Variants in AKAP9 observed in about 807,000 individuals in gnomAD.
AKAP9 encodes A-kinase anchor protein 9.
In AKAP9, 311 loss-of-function variants were observed where a neutral mutation model predicts 488.5. The ratio of observed to expected loss-of-function variants is 0.64; its 90% CI spans 0.58 to 0.70. The LOEUF is 0.70. Among genes scored for constraint, AKAP9 ranks in the 30% least tolerant of loss-of-function variants. The probability of loss-of-function intolerance (pLI) is 0.00; values close to 1 mark genes in which losing one functional copy is unlikely to be tolerated. For missense variants in AKAP9, 4,215 were observed against 4,374.5 expected, an observed-to-expected ratio of 0.96 and a Z score of 1.03; for synonymous variants, 1,462 against 1,483.5, an observed-to-expected ratio of 0.99 and a Z score of 0.33.
chr7:92,090,238 GT>G (rs1379811794), intron 38 of AKAP9: 3 of 152,056 alleles, frequency 2.0e-5, no homozygotes, highest in Non-Finnish European at 4.4e-5. Flanking sequence ...CATTTTTCAA[GT>G]TACTGCATTC....
At chr7:92,010,503 T>G (rs922951901) in intron 8 of AKAP9, among the ~76,000 whole-genome samples, 4 of 152,224 alleles carry the variant, frequency 2.6e-5, no homozygotes, top group African/African-American at 9.6e-5. Flanking sequence ...TAGCCACTCT[T>G]TCACTGAATA....
chr7:92,004,435 C>T (rs891581547), intron 8 of AKAP9, among the ~76,000 whole-genome samples: 11 of 152,214 alleles, frequency 7.2e-5, no homozygotes, highest in Non-Finnish European at 2.9e-5. Flanking sequence ...AATATTGATT[C>T]TTCCTATCCA....
Position 92,001,424 on chromosome 7 carries a change from C to T in AKAP9, c.1507C>T (p.Gln503Ter). ...AATAAATGAACTGAATATAAAATTG[C>T]AAGATACTAACTCTCAAAAGGAAAA... The part of the protein sequence containing the change: ...VAINELNIKL[Q>*]DTNSQKEKLK... The change falls in exon 8 of 50, where the codon CAA becomes TAA. Residue 503 changes from glutamine to a stop codon, truncating the protein, a stop_gained. Coordinates refer to ENST00000356239, the MANE Select transcript of AKAP9 (RefSeq NM_005751.5). LOFTEE classifies it high-confidence loss of function. 1 of 1,613,604 alleles carries T rather than the reference C, an allele frequency of 6.2e-7. No individual in the cohort carries two copies. Among genetic ancestry groups the T allele is most frequent in the East Asian group, 2.2e-5 (1 of 44,872 alleles).
At chr7:91,963,525 C>CACACAT (rs1487785432) in intron 1 of AKAP9, among the ~76,000 whole-genome samples, 1 of 144,242 alleles carries the variant, frequency 6.9e-6, no homozygotes, top group Non-Finnish European at 1.5e-5. Flanking sequence ...CACACACACA[C>CACACAT]ACATATTTTT....
chr7:92,069,547 G>T (rs1811343084), intron 26 of AKAP9, among the ~76,000 whole-genome samples: 1 of 152,278 alleles, frequency 6.6e-6, no homozygotes. Context: ...TTGAAATGAA[G>T]ATATGTTTTA....
chr7:92,052,759 G>A lies in AKAP9; in HGVS notation c.5402G>A (p.Ser1801Asn), dbSNP rs973692081. The A allele has an allele frequency of 1.9e-6, 3 of 1,613,412 alleles. No homozygotes were observed. The highest frequency in any genetic ancestry group is 1.7e-6 in the Non-Finnish European group (2 of 1,179,526). ...TDESIPSYSGSDMPRNDINMW... is the reference protein window; with the variant it reads ...TDESIPSYSGNDMPRNDINMW... Reference sequence around the variant, plus strand: ...GAATCCATTCCCTCTTATTCTGGAAGTGATATGCCAAGAAATGACATTAAC... The same window carrying A: ...GAATCCATTCCCTCTTATTCTGGAAATGATATGCCAAGAAATGACATTAAC... Residue 1801 changes from serine (S) to asparagine (N), a missense_variant, in exon 22 of 50, where the codon AGT (serine) becomes AAT (asparagine). Physicochemically the swap from Ser to Asn is conservative, Grantham distance 46. Around this residue, in one of 5 missense-constraint regions of AKAP9, gnomAD observed 2,361 missense variants for 2,430.0 expected, o/e 0.97. Coordinates refer to ENST00000356239, the MANE Select transcript of AKAP9 (RefSeq NM_005751.5).
chr7:92,087,837 C>T (rs1049831568), intron 37 of AKAP9, among the ~76,000 whole-genome samples: 2 of 149,712 alleles, frequency 1.3e-5, no homozygotes, highest in African/African-American at 4.9e-5. Context: ...AAATTATAAG[C>T]CAAAGAGTGA....
In AKAP9 at chr7:92,083,457, A is replaced by C. The variant is rs1813951362; in HGVS notation, c.8448A>C (p.Glu2816Asp). The change falls in exon 33 of 50, where the codon GAA (glutamate) becomes GAC (aspartate). Residue 2816 changes from glutamate to aspartate, a missense_variant. By Grantham distance (45) the Glu-to-Asp change is conservative. Around this residue, in one of 5 missense-constraint regions of AKAP9, gnomAD observed 1,476 missense variants for 1,477.4 expected, o/e 1.00. Transcript: ENST00000356239. ...INLQSECSSEEVTEIISQFTE... is the reference protein window; with the variant it reads ...INLQSECSSEDVTEIISQFTE... ...TACAGAGTGAATGTTCCTCAGAAGA[A>C]GTTACTGAAATAATCAGTCAGTTTA... 6.2e-7 allele frequency: 1 copy of C among 1,613,994 alleles called. No homozygotes were observed. The highest frequency in any genetic ancestry group is 8.5e-7 in the Non-Finnish European group (1 of 1,179,940).
At chr7:92,102,243 T>TA (rs200511383) in intron 45 of AKAP9, among the ~76,000 whole-genome samples, 11 of 146,776 alleles carry the variant, frequency 7.5e-5, no homozygotes, top group Middle Eastern at 3.5e-3. Context: ...TCTGTACAAT[T>TA]AAAAAAAAAA....
chr7:92,009,396 T>A (rs764202589), intron 8 of AKAP9, among the ~76,000 whole-genome samples: 27 of 152,192 alleles, frequency 1.8e-4, no homozygotes, highest in Non-Finnish European at 2.6e-4. Context: ...TGGAAGAATA[T>A]AAACTACCAG....
At chr7:91,966,154 G>A (rs902996240) in intron 1 of AKAP9, among the ~76,000 whole-genome samples, 1 of 152,056 alleles carries the variant, frequency 6.6e-6, no homozygotes, top group African/African-American at 2.4e-5. Flanking sequence ...GGCCTCCCAT[G>A]GTGCTGTGCT....
chr7:92,106,691 G>A (rs566868474), intron 47 of AKAP9, among the ~76,000 whole-genome samples: 1 of 152,288 alleles, frequency 6.6e-6, no homozygotes, highest in South Asian at 2.1e-4. Context: ...GATGAGGTCC[G>A]AATCTGGGGA....
At position 92,002,073 on chromosome 7, in the gene AKAP9, TTCAAA is replaced by T. The variant is rs1385042771; in HGVS notation, c.2161_2165del (p.Ile721Ter). 2.5e-6 allele frequency: 4 copies of T among 1,597,448 alleles called. No individual in the cohort carries two copies. The highest frequency in any genetic ancestry group is 3.4e-6 in the Non-Finnish European group (4 of 1,175,596). ...AATTCAAAGTCAGAAGAAATGACTC[TTCAAA>T]TCAATGAACTTCAAAAAGAAATTGA... is the stretch of plus-strand genomic sequence containing the variant. On this transcript the variant is annotated frameshift_variant, in exon 8 of 50. Transcript: ENST00000356239. LOFTEE classifies it high-confidence loss of function.
rs763354189 is a variant in AKAP9 at position 92,040,588 on chromosome 7, G to C, written c.4693-86G>C. 18 of 929,380 alleles carry C rather than the reference G, an allele frequency of 1.9e-5. No homozygotes were observed. In the Admixed American group the frequency reaches 4.1e-4, roughly 21 times the overall value. The allele number at this position is 929,380 out of a possible 1,614,324, so 57.6% of individuals were successfully genotyped here. A position where few individuals can be genotyped will look rare whatever the true frequency, so the allele number is the denominator to read the frequency against. Reference sequence around the variant, plus strand: ...TGGGATAAGGAATAGAATTGCTTTCGTATTTGTTTACAATATTAATGCTGA... The same window carrying C: ...TGGGATAAGGAATAGAATTGCTTTCCTATTTGTTTACAATATTAATGCTGA... On this transcript the variant is annotated intron_variant, in intron 17 of 49. Coordinates refer to ENST00000356239, the MANE Select transcript of AKAP9 (RefSeq NM_005751.5).
chr7:92,052,154 C>T lies in AKAP9; in HGVS notation c.5369-572C>T, dbSNP rs371218710. 2.6e-5 allele frequency among the ~76,000 whole-genome samples: 4 copies of T among 152,218 alleles called. 1 individual carries two copies. Reference sequence around the variant, plus strand: ...TGTAGCCAAAGCAGATGATATTGCCCAGTGTTGGATCAAAAGTTAGTCATC... The same window carrying T: ...TGTAGCCAAAGCAGATGATATTGCCTAGTGTTGGATCAAAAGTTAGTCATC... On this transcript the variant is annotated intron_variant, in intron 21 of 49. Transcript: ENST00000356239.
At chr7:91,999,225 A>T (rs937959713) in intron 7 of AKAP9, among the ~76,000 whole-genome samples, 3 of 152,084 alleles carry the variant, frequency 2.0e-5, no homozygotes, top group Non-Finnish European at 2.9e-5. Context: ...TAACGAGGCT[A>T]ATTTTTTTTG....
chr7:92,070,380 G>A (rs926365669), intron 27 of AKAP9, among the ~76,000 whole-genome samples, 174 bp downstream of exon 27: 1 of 150,408 alleles, frequency 6.6e-6, no homozygotes, highest in Non-Finnish European at 1.5e-5. Context: ...CCTGAGAAGG[G>A]AAGAGTTTTT....
At chr7:92,088,456 G>A (rs766288084) in intron 37 of AKAP9, among the ~76,000 whole-genome samples, 1 of 152,112 alleles carries the variant, frequency 6.6e-6, no homozygotes, top group African/African-American at 2.4e-5. Context: ...TCTTTGACAG[G>A]GGAATGGATG....
intron 21 of AKAP9, among the ~76,000 whole-genome samples, chr7:92,051,760 G>T (rs921414631): frequency 1.3e-5 from 2 of 152,118 alleles, no homozygotes; most frequent in African/African-American, 4.8e-5. Context: ...GGTACATGAA[G>T]ATTTCCTCTG....
Sources: gnomAD v4.1 joint callset for allele counts (sites outside exome capture counted in the v4.1 genomes callset) on GRCh38, gnomAD v4.1.1 for gene constraint, gnomAD v4.1.1 regional missense constraint, MANE v1.5 for transcripts, NCBI Gene and HGNC (gene_info 2026-07-23, HGNC 2026-07-21) for gene names.